The following ZNF28 variants were observed in gnomAD, a reference collection of about 807,000 sequenced individuals.
ZNF28 encodes zinc finger protein 28.
In ZNF28, 5 loss-of-function variants were observed where a neutral mutation model predicts 7.2. That is an observed-to-expected ratio of 0.70 (90% CI 0.36 to 1.46). The LOEUF (loss-of-function observed/expected upper bound fraction) is 1.46, where lower values mean the gene tolerates loss of function less well. ZNF28 is among the 40% of genes most tolerant of loss of function. The pLI is 0.03. For missense variants in ZNF28, 879 were observed against 866.6 expected (o/e 1.01, Z -0.18); for synonymous variants, 288 against 292.4 (o/e 0.99, Z 0.15).
Position 52,800,980 on chromosome 19 carries a change from G to A in ZNF28, c.865C>T (p.His289Tyr), listed in dbSNP as rs1359834103. ...IFGHNTSLFL[H>Y]KALHTADKPY... ...TTGTCTGCAGTATGAAGCGCCTTGT[G>A]AAGGAAGAGGGATGTATTGTGACCA... is the stretch of plus-strand genomic sequence containing the variant. The change falls in exon 4 of 4, where the codon CAC becomes TAC. Residue 289 changes from histidine (H) to tyrosine (Y), a missense_variant. Transcript: ENST00000457749. The A allele has an allele frequency of 3.1e-6, 5 of 1,614,032 alleles. No homozygotes were observed. The highest frequency in any genetic ancestry group is 1.6e-4 in the Middle Eastern group (1 of 6,084).
intron 2 of ZNF28, among the ~76,000 whole-genome samples, chr19:52,813,252 A>AG (rs1312313912): frequency 6.3e-5 from 9 of 142,428 alleles, no homozygotes; most frequent in Admixed American, 5.7e-4. Context: ...GAATGGTGAA[A>AG]AAAAAAAAAA....
At chr19:52,808,799 C>T (rs1232669409) in intron 2 of ZNF28, among the ~76,000 whole-genome samples, 2 of 152,026 alleles carry the variant, frequency 1.3e-5, no homozygotes, top group Non-Finnish European at 2.9e-5. Context: ...GGCAACAAAC[C>T]GAGACCCCAT....
At position 52,812,762 on chromosome 19, in the gene ZNF28, T is replaced by TAA. The variant is rs56944474; in HGVS notation, c.16-4631_16-4630dup. Among the ~76,000 whole-genome samples, 505 of 75,382 alleles carry TAA rather than the reference T, an allele frequency of 6.7e-3. 8 individuals are homozygous for TAA. Among genetic ancestry groups the TAA allele is most frequent in the African/African-American group, 0.018 (425 of 23,418 alleles). 49.5% of individuals were successfully genotyped at this position (75,382 alleles called of 152,430 possible). A position where few individuals can be genotyped will look rare whatever the true frequency, so the allele number is the denominator to read the frequency against. ...GCGAGAAACACCCAAGAATGATCAA[T>TAA]AAAAAAAAAAAAAAAAAAAAAAAAA... On this transcript the variant is annotated intron_variant, in intron 2 of 3. Coordinates refer to ENST00000457749, the MANE Select transcript of ZNF28 (RefSeq NM_006969.5).
At chr19:52,814,564 A>G (rs909889024) in intron 2 of ZNF28, 1 of 145,782 alleles carries the variant, frequency 6.9e-6, no homozygotes, top group East Asian at 2.0e-4. Context: ...ACTGCATTCC[A>G]GCCTGGACAA....
intron 2 of ZNF28, chr19:52,810,517 G>A (rs2063006126): frequency 6.3e-7 from 1 of 1,593,854 alleles, no homozygotes; most frequent in East Asian, 2.2e-5. Context: ...GGCAAATCAA[G>A]GTGATCCCAA....
intron 2 of ZNF28, among the ~76,000 whole-genome samples, chr19:52,814,671 G>T (rs749867445): frequency 5.5e-5 from 8 of 146,050 alleles, no homozygotes; most frequent in Non-Finnish European, 1.2e-4. Context: ...CAGATCACGA[G>T]GTTAGGAAAT....
At chr19:52,816,834 AAAT>A (rs34015590) in intron 2 of ZNF28, among the ~76,000 whole-genome samples, 2,705 of 138,384 alleles carry the variant, frequency 0.02, 45 homozygotes, top group African/African-American at 0.037. Flanking sequence ...CCGTTTCAGA[AAAT>A]AATAATAATA....
intron 2 of ZNF28, chr19:52,810,027 G>C: frequency 1.3e-6 from 1 of 744,046 alleles, no homozygotes. Flanking sequence ...GGAGCCCGAA[G>C]AGGAGCCGCT....
At chr19:52,819,474 A>G (rs1239301688) in intron 1 of ZNF28, among the ~76,000 whole-genome samples, 1 of 109,044 alleles carries the variant, frequency 9.2e-6, no homozygotes, top group African/African-American at 3.7e-5. Flanking sequence ...TCTACCAGAA[A>G]AAAAGCCACA....
At chr19:52,811,684 C>G (rs912525548) in intron 2 of ZNF28, among the ~76,000 whole-genome samples, 3 of 144,876 alleles carry the variant, frequency 2.1e-5, no homozygotes, top group African/African-American at 8.0e-5. Context: ...AGTGAGGAGC[C>G]CCTCCGTCCG....
chr19:52,802,384 AAAC>A (rs1413506604), intron 3 of ZNF28, among the ~76,000 whole-genome samples: 10 of 32,394 alleles, frequency 3.1e-4, no homozygotes, highest in East Asian at 1.2e-3. Flanking sequence ...ACAAAAAAAC[AAAC>A]AACAAAAAAA....
At chr19:52,811,132 G>C (rs2063029669) in intron 2 of ZNF28, among the ~76,000 whole-genome samples, 1 of 150,638 alleles carries the variant, frequency 6.6e-6, no homozygotes, top group Non-Finnish European at 1.5e-5. Context: ...AACCACGAGT[G>C]ATCCGCCAGC....
chr19:52,806,722 T>C (rs1176769882), intron 3 of ZNF28, among the ~76,000 whole-genome samples: 2 of 151,682 alleles, frequency 1.3e-5, no homozygotes, highest in African/African-American at 4.9e-5. Flanking sequence ...GCCAACATGG[T>C]GAAACACTGT....
intron 3 of ZNF28, chr19:52,805,257 G>A (rs566190327): frequency 2.1e-5 from 3 of 146,068 alleles, no homozygotes; most frequent in African/African-American, 7.7e-5. Context: ...GTGACAGACC[G>A]AAAATCTGTC....
chr19:52,803,129 G>A (rs1159569343), intron 3 of ZNF28, among the ~76,000 whole-genome samples: 2 of 152,060 alleles, frequency 1.3e-5, no homozygotes, highest in South Asian at 2.1e-4. Context: ...ACCCAGGCTG[G>A]AGTGCAATGG....
rs769528582 is a variant in ZNF28 at position 52,800,175 on chromosome 19, T to C, written c.1670A>G (p.Glu557Gly). The C allele has an allele frequency of 6.2e-7, 1 of 1,613,556 alleles. No homozygotes were observed. Among genetic ancestry groups the C allele is most frequent in the Admixed American group, 1.7e-5 (1 of 59,980 alleles). ...GTGTGATTTGCGACTGAAAACTTTC[T>C]CACATTCTTCACATTTGTACGGTTT... ...AEKPYKCEECEKVFSRKSHME... is the reference protein window; with the variant it reads ...AEKPYKCEECGKVFSRKSHME... The change falls in exon 4 of 4, where the codon GAG (glutamate) becomes GGG (glycine). Residue 557 changes from glutamate to glycine, a missense_variant. Transcript: ENST00000457749.
intron 3 of ZNF28, among the ~76,000 whole-genome samples, chr19:52,807,115 C>T (rs977955783): frequency 5.9e-5 from 9 of 152,132 alleles, no homozygotes; most frequent in African/African-American, 1.9e-4. Flanking sequence ...TACATTCCCA[C>T]CCATCTGGAT....
chr19:52,818,094 C>A, intron 1 of ZNF28, 63 bp from the exon 2 acceptor site: 1 of 1,439,812 alleles, frequency 6.9e-7, no homozygotes. Flanking sequence ...TGTAACACAA[C>A]AACACATACA....
Position 52,821,218 on chromosome 19 carries a change from C to T in ZNF28, c.-74+368G>A, listed in dbSNP as rs149317229. 4.0e-3 allele frequency among the ~76,000 whole-genome samples: 606 copies of T among 152,196 alleles called. 5 individuals are homozygous for T. Among genetic ancestry groups the T allele is most frequent in the African/African-American group, 0.014 (570 of 41,520 alleles). On this transcript the variant is annotated intron_variant, in intron 1 of 3. Coordinates refer to ENST00000457749, the MANE Select transcript of ZNF28 (RefSeq NM_006969.5). ...GCAGCCTTCCCGGGACTGGGGTCGC[C>T]GCGCTGTGCTCCAGGAACCCAGGAG...
Sources: gnomAD v4.1 joint callset for allele counts (sites outside exome capture counted in the v4.1 genomes callset) on GRCh38, gnomAD v4.1.1 for gene constraint, MANE v1.5 for transcripts, NCBI Gene and HGNC (gene_info 2026-07-23, HGNC 2026-07-21) for gene names.